The following RCAN2 variants were observed in gnomAD, a reference collection of about 807,000 sequenced individuals.
The protein encoded by RCAN2 is regulator of calcineurin 2.
In RCAN2, 9 loss-of-function variants were observed where a neutral mutation model predicts 23.6. That is an observed-to-expected ratio of 0.38 (90% CI 0.23 to 0.67). RCAN2 has a LOEUF of 0.67. Among genes scored for constraint, RCAN2 ranks in the 30% least tolerant of loss-of-function variants. The pLI is 0.51. For missense variants in RCAN2, 273 were observed against 302.3 expected (o/e 0.90, Z 0.72); for synonymous variants, 109 against 115.7 (o/e 0.94, Z 0.37).
chr6:46,320,829 G>A (rs1031936108), intron 2 of RCAN2, among the ~76,000 whole-genome samples: 1 of 152,182 alleles, frequency 6.6e-6, no homozygotes, highest in East Asian at 1.9e-4. Flanking sequence ...TACCCTAAGA[G>A]AGCTATTGGG....
chr6:46,457,257 C>T (rs1411345740), intron 1 of RCAN2, among the ~76,000 whole-genome samples: 3 of 152,144 alleles, frequency 2.0e-5, no homozygotes, highest in Non-Finnish European at 4.4e-5. Flanking sequence ...TGGAGATCAC[C>T]ACCACTACTA....
chr6:46,225,131 C>T (rs1582001101), intron 4 of RCAN2, among the ~76,000 whole-genome samples: 1 of 152,300 alleles, frequency 6.6e-6, no homozygotes, highest in East Asian at 1.9e-4. Flanking sequence ...TTTATGGCTG[C>T]ATAGTATTCC....
intron 2 of RCAN2, among the ~76,000 whole-genome samples, chr6:46,305,097 A>G (rs1378718198): frequency 6.6e-6 from 1 of 152,010 alleles, no homozygotes; most frequent in Non-Finnish European, 1.5e-5. Flanking sequence ...GATTATCTTC[A>G]TGCAGTTTGC....
intron 1 of RCAN2, among the ~76,000 whole-genome samples, chr6:46,466,738 T>C (rs1768397887): frequency 6.6e-6 from 1 of 152,150 alleles, no homozygotes; most frequent in African/African-American, 2.4e-5. Context: ...TCTAGACTTA[T>C]CAACTGCCTC....
intron 2 of RCAN2, among the ~76,000 whole-genome samples, chr6:46,357,486 A>C (rs1764874322): frequency 6.6e-6 from 1 of 152,196 alleles, no homozygotes; most frequent in Non-Finnish European, 1.5e-5. Context: ...TCTACTGGTC[A>C]GTTGTTTTCC....
At chr6:46,300,583 T>C (rs2150350761) in intron 2 of RCAN2, among the ~76,000 whole-genome samples, 1 of 152,190 alleles carries the variant, frequency 6.6e-6, no homozygotes, top group East Asian at 1.9e-4. Flanking sequence ...ATATGCTCTA[T>C]TGTTACCAAA....
chr6:46,343,677 G>T (rs1764402384), intron 2 of RCAN2, among the ~76,000 whole-genome samples: 1 of 151,978 alleles, frequency 6.6e-6, no homozygotes, highest in African/African-American at 2.4e-5. Context: ...ACCTAGCCAG[G>T]AAAACAATTT....
chr6:46,488,530 C>T (rs746205733), intron 1 of RCAN2, among the ~76,000 whole-genome samples: 23 of 152,140 alleles, frequency 1.5e-4, no homozygotes, highest in Non-Finnish European at 3.1e-4. Context: ...GTTTGTCTCT[C>T]CTTCTTCTCT....
intron 2 of RCAN2, among the ~76,000 whole-genome samples, chr6:46,404,460 C>CT (rs1229540294): frequency 6.6e-6 from 1 of 152,176 alleles, no homozygotes; most frequent in African/African-American, 2.4e-5. Flanking sequence ...AAACCCTACT[C>CT]TTGTTAACAT....
intron 4 of RCAN2, 68 bp downstream of exon 4, chr6:46,246,680 G>A: frequency 7.3e-7 from 1 of 1,361,402 alleles, no homozygotes; most frequent in Non-Finnish European, 1.0e-6. Context: ...TCTCAAGGTT[G>A]TTAATCTCAT....
chr6:46,273,012 C>A (rs1243078428), intron 2 of RCAN2, among the ~76,000 whole-genome samples: 1 of 152,106 alleles, frequency 6.6e-6, no homozygotes, highest in Non-Finnish European at 1.5e-5. Flanking sequence ...TACAAATATT[C>A]TTCAATATTT....
chr6:46,224,277 C>T (rs1017259055), intron 4 of RCAN2, among the ~76,000 whole-genome samples: 6 of 152,188 alleles, frequency 3.9e-5, no homozygotes, highest in African/African-American at 1.2e-4. Flanking sequence ...TAATCTTAAT[C>T]CTCTCCGGAC....
chr6:46,381,603 TCA>T (rs1357099344), intron 2 of RCAN2, among the ~76,000 whole-genome samples: 3 of 152,188 alleles, frequency 2.0e-5, no homozygotes, highest in Non-Finnish European at 4.4e-5. Flanking sequence ...AGCTCTTTAT[TCA>T]CACTTAGCTT....
At chr6:46,484,632 A>T (rs1214589130) in intron 1 of RCAN2, among the ~76,000 whole-genome samples, 1 of 152,226 alleles carries the variant, frequency 6.6e-6, no homozygotes, top group Non-Finnish European at 1.5e-5. Context: ...AGTCCGCGTT[A>T]GCAGATCAGC....
intron 1 of RCAN2, among the ~76,000 whole-genome samples, chr6:46,482,028 A>T (rs1267923536): frequency 4.6e-5 from 7 of 152,142 alleles, no homozygotes; most frequent in Non-Finnish European, 7.4e-5. Flanking sequence ...AAAATCACTC[A>T]AAGGACTGGC....
Position 46,289,466 on chromosome 6 carries a change from A to G in RCAN2, c.226-40570T>C, listed in dbSNP as rs73452254. 4.0e-3 allele frequency among the ~76,000 whole-genome samples: 605 copies of G among 152,282 alleles called. 4 individuals are homozygous for G. Among genetic ancestry groups the G allele is most frequent in the African/African-American group, 0.014 (588 of 41,560 alleles). On this transcript the variant is annotated intron_variant, in intron 2 of 4. Coordinates refer to ENST00000371374, the MANE Select transcript of RCAN2 (RefSeq NM_001251974.2). Reference sequence around the variant, plus strand: ...AAATCATCAGTTTGTTTCCAGATTCATCTGTTATAAGGAGAAAAAAGATAT... The same window carrying G: ...AAATCATCAGTTTGTTTCCAGATTCGTCTGTTATAAGGAGAAAAAAGATAT...
chr6:46,248,939 T>C (rs1211195796), intron 2 of RCAN2, 43 bp from the exon 3 acceptor site: 1 of 1,457,392 alleles, frequency 6.9e-7, no homozygotes, highest in Non-Finnish European at 9.5e-7. Flanking sequence ...GGCCATGGCA[T>C]GGATCTCGTA....
At chr6:46,471,886 C>T (rs1484705128) in intron 1 of RCAN2, among the ~76,000 whole-genome samples, 1 of 151,968 alleles carries the variant, frequency 6.6e-6, no homozygotes, top group African/African-American at 2.4e-5. Context: ...CAACCAGGTG[C>T]GTGCGCACAC....
At chr6:46,398,420 C>G (rs563814757) in intron 2 of RCAN2, among the ~76,000 whole-genome samples, 2 of 152,084 alleles carry the variant, frequency 1.3e-5, no homozygotes, top group South Asian at 4.2e-4. Context: ...TTCTTAGTGG[C>G]CAATTATTAT....
Sources: gnomAD v4.1 joint callset for allele counts (sites outside exome capture counted in the v4.1 genomes callset) on GRCh38, gnomAD v4.1.1 for gene constraint, MANE v1.5 for transcripts, NCBI Gene and HGNC (gene_info 2026-07-23, HGNC 2026-07-21) for gene names.